The following GABRG1 variants were observed in gnomAD, a reference collection of about 807,000 sequenced individuals.
GABRG1 encodes the protein gamma-aminobutyric acid receptor subunit gamma-1.
Under a neutral mutation model 49.8 loss-of-function variants are expected in GABRG1, and 49 were observed. The ratio of observed to expected loss-of-function variants is 0.98; its 90% CI spans 0.78 to 1.25. The LOEUF (loss-of-function observed/expected upper bound fraction) is 1.25. GABRG1 is among the 50% of genes most tolerant of loss of function. GABRG1 has a pLI of 0.00. For missense variants in GABRG1, 552 were observed against 552.3 expected, an observed-to-expected ratio of 1.00 and a Z score of 0.01; for synonymous variants, 232 against 185.1, an observed-to-expected ratio of 1.25 and a Z score of -2.06.
chr4:46,096,475 A>C (rs73144885), intron 2 of GABRG1, among the ~76,000 whole-genome samples: 13,857 of 151,708 alleles, frequency 0.091, 1,283 homozygotes, highest in African/African-American at 0.23. Context: ...CATAGCAAAT[A>C]CTACTAATAT....
At chr4:46,120,891 A>T (rs1287457906) in intron 1 of GABRG1, among the ~76,000 whole-genome samples, 1 of 151,774 alleles carries the variant, frequency 6.6e-6, no homozygotes, top group African/African-American at 2.4e-5. Context: ...AACAGCTAAA[A>T]TATCTTTTTA....
chr4:46,060,491 A>G (rs913547839), intron 5 of GABRG1, among the ~76,000 whole-genome samples: 6 of 152,182 alleles, frequency 3.9e-5, no homozygotes, highest in Admixed American at 1.3e-4. Context: ...GTTTGTAGCT[A>G]AAAAGTTCTT....
chr4:46,106,351 C>A (rs1577667577), intron 1 of GABRG1, among the ~76,000 whole-genome samples: 1 of 151,220 alleles, frequency 6.6e-6, no homozygotes, highest in Non-Finnish European at 1.5e-5. Flanking sequence ...CAGGGGATAC[C>A]CCATAATTAG....
chr4:46,051,585 A>G lies in GABRG1; in HGVS notation c.970T>C (p.Leu324=), dbSNP rs1303296783. ...GCAGTCACATAAGAAACCTTAGGTA[A>G]AGACTTCCTGGCAATTGTACTCAGG... ...TTLSTIARKS[L]PKVSYVTAMD... The change falls in exon 8 of 9, where the codon TTA becomes CTA. Residue 324 remains leucine, a synonymous_variant. Coordinates refer to ENST00000295452, the MANE Select transcript of GABRG1 (RefSeq NM_173536.4). The G allele has an allele frequency of 1.2e-6, 2 of 1,611,636 alleles. No individual in the cohort carries two copies. The highest frequency in any genetic ancestry group is 1.7e-6 in the Non-Finnish European group (2 of 1,178,460).
chr4:46,068,377 G>A (rs1718993840), intron 3 of GABRG1, among the ~76,000 whole-genome samples: 1 of 152,080 alleles, frequency 6.6e-6, no homozygotes, highest in Admixed American at 6.6e-5. Flanking sequence ...TGTGGCACTT[G>A]AGAACCAATT....
At position 46,051,578 on chromosome 4, in the gene GABRG1, T is replaced by C. The variant is rs1718223673; in HGVS notation, c.977A>G (p.Lys326Arg). The C allele has an allele frequency of 6.2e-7, 1 of 1,611,564 alleles. No individual in the cohort carries two copies. The highest frequency in any genetic ancestry group is 8.5e-7 in the Non-Finnish European group (1 of 1,178,488). Residue 326 changes from lysine to arginine, a missense_variant, in exon 8 of 9, where the codon AAG (lysine) becomes AGG (arginine). Transcript: ENST00000295452. ...LSTIARKSLP[K>R]VSYVTAMDLF... ...ATCCATCGCAGTCACATAAGAAACC[T>C]TAGGTAAAGACTTCCTGGCAATTGT...
rs1456637338 is a variant in GABRG1 at position 46,036,588 on chromosome 4, C to T, written c.*4400G>A. The T allele has an allele frequency of 6.6e-6, 1 of 151,944 alleles. No homozygotes were observed. The highest frequency in any genetic ancestry group is 1.5e-5 in the Non-Finnish European group (1 of 67,916). The allele number at this position is 151,944 out of a possible 1,614,324, so 9.4% of individuals were successfully genotyped here. A position where few individuals can be genotyped will look rare whatever the true frequency, so the allele number is the denominator to read the frequency against. ...ATCCCTTCCACCCAACACACCATGT[C>T]TCTCAGTTATGTTGTCTGTTAGTCA... On this transcript the variant is annotated 3_prime_UTR_variant, in exon 9 of 9. Coordinates refer to ENST00000295452, the MANE Select transcript of GABRG1 (RefSeq NM_173536.4).
chr4:46,086,879 G>C (rs1043764115), intron 2 of GABRG1, among the ~76,000 whole-genome samples: 5 of 151,376 alleles, frequency 3.3e-5, no homozygotes, highest in African/African-American at 7.3e-5. Flanking sequence ...TTCTTTTATT[G>C]TGAAAGCAAG....
chr4:46,062,846 A>C (rs1718755459), intron 5 of GABRG1, among the ~76,000 whole-genome samples: 1 of 152,120 alleles, frequency 6.6e-6, no homozygotes, highest in South Asian at 2.1e-4. Flanking sequence ...CAATGTACAA[A>C]AATCACAAGC....
chr4:46,080,199 A>G (rs189772889), intron 3 of GABRG1, among the ~76,000 whole-genome samples: 2 of 152,000 alleles, frequency 1.3e-5, no homozygotes, highest in East Asian at 3.9e-4. Context: ...TAACTTAAAA[A>G]AAACTAATAT....
At chr4:46,090,210 T>A (rs1719928667) in intron 2 of GABRG1, among the ~76,000 whole-genome samples, 1 of 152,028 alleles carries the variant, frequency 6.6e-6, no homozygotes, top group African/African-American at 2.4e-5. Context: ...CAGAAAAAAA[T>A]GCTACTATTC....
chr4:46,110,359 C>G (rs1054658649), intron 1 of GABRG1, among the ~76,000 whole-genome samples: 1 of 150,870 alleles, frequency 6.6e-6, no homozygotes, highest in Non-Finnish European at 1.5e-5. Context: ...TCTGTTTGCC[C>G]ATTAAAACTT....
intron 2 of GABRG1, among the ~76,000 whole-genome samples, chr4:46,086,078 TATAA>T (rs1364720770): frequency 2.6e-5 from 4 of 151,564 alleles, no homozygotes; most frequent in African/African-American, 9.7e-5. Flanking sequence ...CATATGTATA[TATAA>T]ATGTGAAGGC....
chr4:46,116,619 G>T (rs575796984), intron 1 of GABRG1, among the ~76,000 whole-genome samples: 63 of 150,898 alleles, frequency 4.2e-4, no homozygotes, highest in African/African-American at 1.5e-3. Flanking sequence ...TCTGAAATGA[G>T]TGTCAAATAT....
chr4:46,123,725 A>C, intron 1 of GABRG1, 85 bp downstream of exon 1: 1 of 904,986 alleles, frequency 1.1e-6, no homozygotes, highest in East Asian at 2.5e-5. Flanking sequence ...TAATTACTTA[A>C]AGTGGAATAA....
In GABRG1 at chr4:46,040,976, A is replaced by T; in HGVS notation, c.*12T>A. 1 of 1,598,296 alleles carries T rather than the reference A, an allele frequency of 6.3e-7. No individual in the cohort carries two copies. The highest frequency in any genetic ancestry group is 1.3e-5 in the African/African-American group (1 of 74,172). ...GTCAGACTTCTTTTGATTTTTGCTTATGAAGTAGATTTTATAAGTAAAGAT... is the reference window on the plus strand; with the variant it reads ...GTCAGACTTCTTTTGATTTTTGCTTTTGAAGTAGATTTTATAAGTAAAGAT... On this transcript the variant is annotated 3_prime_UTR_variant, in exon 9 of 9. Coordinates refer to ENST00000295452, the MANE Select transcript of GABRG1 (RefSeq NM_173536.4).
chr4:46,070,001 A>G (rs866725619), intron 3 of GABRG1, among the ~76,000 whole-genome samples: 1 of 152,004 alleles, frequency 6.6e-6, no homozygotes, highest in South Asian at 2.1e-4. Context: ...ACAAAGAGGC[A>G]GTAAAGGGCA....
At chr4:46,094,185 T>C (rs1448714941) in intron 2 of GABRG1, among the ~76,000 whole-genome samples, 1 of 151,446 alleles carries the variant, frequency 6.6e-6, no homozygotes, top group Non-Finnish European at 1.5e-5. Context: ...AAAATGTATA[T>C]AAAAAAAAGA....
chr4:46,048,543 C>T (rs1219909496), intron 8 of GABRG1, among the ~76,000 whole-genome samples: 1 of 145,068 alleles, frequency 6.9e-6, no homozygotes, highest in Non-Finnish European at 1.5e-5. Context: ...AAATATCCCA[C>T]CATGCACCGA....
Sources: allele counts gnomAD v4.1 joint callset (sites outside exome capture counted in the v4.1 genomes callset), GRCh38; gene constraint gnomAD v4.1.1; transcripts MANE v1.5; gene names NCBI Gene and HGNC (gene_info 2026-07-23, HGNC 2026-07-21).